Variants in KCNH7 observed in about 807,000 individuals in gnomAD.
KCNH7 encodes potassium voltage-gated channel subfamily H member 7.
A neutral mutation model predicts 120.8 loss-of-function variants in KCNH7; 49 were observed. That is an observed-to-expected ratio of 0.41 (90% CI 0.32 to 0.51). The LOEUF (loss-of-function observed/expected upper bound fraction) is 0.51. KCNH7 is among the 20% of genes least tolerant of loss of function. The pLI, the probability that KCNH7 is intolerant of heterozygous loss-of-function variation, is 0.38. For synonymous variants in KCNH7, 547 were observed against 516.1 expected (o/e 1.06, Z -0.81); for missense variants, 1,097 against 1,446.6 (o/e 0.76, Z 3.92).
intron 2 of KCNH7, among the ~76,000 whole-genome samples, chr2:162,810,180 G>T: frequency 5.0e-5 from 1 of 20,180 alleles, no homozygotes; most frequent in South Asian, 7.5e-3. Flanking sequence ...CTCCCAAAGT[G>T]CTGGGATTAC....
At chr2:162,432,823 G>A (rs1234000356) in intron 8 of KCNH7, among the ~76,000 whole-genome samples, 1 of 152,016 alleles carries the variant, frequency 6.6e-6, no homozygotes, top group Non-Finnish European at 1.5e-5. Context: ...AAGCAGGCAA[G>A]AGAAAGAAAT....
chr2:162,520,536 G>A (rs916923234), intron 3 of KCNH7, among the ~76,000 whole-genome samples: 3 of 151,736 alleles, frequency 2.0e-5, no homozygotes, highest in Non-Finnish European at 4.4e-5. Flanking sequence ...AAGGCATAAT[G>A]ATCTCTTGAG....
In KCNH7 at chr2:162,563,268, AT is replaced by A. The variant is rs199967460; in HGVS notation, c.308-26189del. Among the ~76,000 whole-genome samples, 863 of 152,310 alleles carry A rather than the reference AT, an allele frequency of 5.7e-3. 9 individuals carry two copies. Among genetic ancestry groups the A allele is most frequent in the African/African-American group, 0.02 (814 of 41,572 alleles). ...GGGGTTTGCAGCATGAAATCATATA[AT>A]GGCTTATACAAGAGCACTAGACACA... On this transcript the variant is annotated intron_variant, in intron 2 of 15. Transcript: ENST00000332142.
At chr2:162,709,089 C>G (rs1434208113) in intron 2 of KCNH7, among the ~76,000 whole-genome samples, 3 of 151,994 alleles carry the variant, frequency 2.0e-5, no homozygotes, top group Admixed American at 2.0e-4. Context: ...CCCTACTATG[C>G]CCTAAGTTTC....
rs188600022 is a variant in KCNH7 at position 162,789,052 on chromosome 2, G to T, written c.307+47485C>A. Among the ~76,000 whole-genome samples, 88 of 147,422 alleles carry T rather than the reference G, an allele frequency of 6.0e-4. No homozygotes were observed. In the Middle Eastern group the frequency reaches 0.018, roughly 30 times the overall value. On this transcript the variant is annotated intron_variant, in intron 2 of 15. Coordinates refer to ENST00000332142, the MANE Select transcript of KCNH7 (RefSeq NM_033272.4). ...ACTGAGAATACTGTACCTAGCAAAG[G>T]TTTCCTCAAAAATGAGAGATACTTT...
At position 162,671,748 on chromosome 2, in the gene KCNH7, GAAAT is replaced by G. The variant is rs552816094; in HGVS notation, c.308-134672_308-134669del. 5.4e-3 allele frequency among the ~76,000 whole-genome samples: 823 copies of G among 151,816 alleles called. 3 individuals are homozygous for G. The highest frequency in any genetic ancestry group is 8.9e-3 in the Non-Finnish European group (601 of 67,884). On this transcript the variant is annotated intron_variant, in intron 2 of 15. Coordinates refer to ENST00000332142, the MANE Select transcript of KCNH7 (RefSeq NM_033272.4). ...AAAATTTTCAAAAAGAGAAAAAAAA[GAAAT>G]AAATATGCTCTAATAAAAAAAGAAG...
intron 6 of KCNH7, among the ~76,000 whole-genome samples, chr2:162,491,168 C>T (rs1690291312): frequency 6.6e-6 from 1 of 152,208 alleles, no homozygotes; most frequent in African/African-American, 2.4e-5. Flanking sequence ...GCCTTTCCTC[C>T]TCTGGTTGAG....
intron 2 of KCNH7, among the ~76,000 whole-genome samples, chr2:162,785,526 T>C (rs970701997): frequency 1.4e-5 from 2 of 145,956 alleles, no homozygotes; most frequent in African/African-American, 4.9e-5. Flanking sequence ...TTTGCGACTA[T>C]TGGGCTGTCT....
intron 2 of KCNH7, among the ~76,000 whole-genome samples, chr2:162,541,818 AC>A (rs1692312423): frequency 6.6e-6 from 1 of 152,148 alleles, no homozygotes; most frequent in Non-Finnish European, 1.5e-5. Flanking sequence ...ACAAACCTGC[AC>A]ATTCTGCACA....
At chr2:162,603,293 T>C (rs1694622163) in intron 2 of KCNH7, among the ~76,000 whole-genome samples, 1 of 152,076 alleles carries the variant, frequency 6.6e-6, no homozygotes, top group Admixed American at 6.6e-5. Flanking sequence ...TAAAATATGG[T>C]GGTTTTTATA....
intron 2 of KCNH7, among the ~76,000 whole-genome samples, chr2:162,680,898 T>C (rs1243021582): frequency 6.6e-6 from 1 of 151,804 alleles, no homozygotes; most frequent in Non-Finnish European, 1.5e-5. Flanking sequence ...TGGTACAGTT[T>C]AGCTTCAGGT....
At chr2:162,676,110 C>T (rs1685521777) in intron 2 of KCNH7, among the ~76,000 whole-genome samples, 1 of 151,444 alleles carries the variant, frequency 6.6e-6, no homozygotes, top group Non-Finnish European at 1.5e-5. Flanking sequence ...ACCTCCTCTT[C>T]AAAATTTAAA....
At chr2:162,419,814 T>C (rs939639868) in intron 9 of KCNH7, among the ~76,000 whole-genome samples, 9 of 152,188 alleles carry the variant, frequency 5.9e-5, no homozygotes, top group African/African-American at 1.7e-4. Context: ...CACTTGATTC[T>C]ATGCTGATAT....
intron 2 of KCNH7, among the ~76,000 whole-genome samples, chr2:162,607,619 T>C (rs1351813966): frequency 7.9e-5 from 12 of 152,166 alleles, no homozygotes; most frequent in Non-Finnish European, 1.5e-4. Flanking sequence ...TTGTGAATTA[T>C]TACCTAGTGT....
chr2:162,729,812 T>A (rs1346528742), intron 2 of KCNH7, among the ~76,000 whole-genome samples: 1 of 152,138 alleles, frequency 6.6e-6, no homozygotes, highest in Non-Finnish European at 1.5e-5. Context: ...ATTGGCCGTT[T>A]TCTACAAATA....
intron 2 of KCNH7, among the ~76,000 whole-genome samples, chr2:162,652,982 C>T (rs984586201): frequency 2.0e-5 from 3 of 152,146 alleles, no homozygotes; most frequent in African/African-American, 7.2e-5. Flanking sequence ...TAAGGCCTTA[C>T]TTTATGCCAA....
At chr2:162,647,642 C>G (rs149357660) in intron 2 of KCNH7, among the ~76,000 whole-genome samples, 1 of 152,132 alleles carries the variant, frequency 6.6e-6, no homozygotes, top group Non-Finnish European at 1.5e-5. Context: ...TTCCCTAACA[C>G]GAGCTCTCTT....
chr2:162,384,588 A>G (rs1686519815), intron 13 of KCNH7, 100 bp downstream of exon 13: 2 of 1,146,572 alleles, frequency 1.7e-6, no homozygotes, highest in Non-Finnish European at 2.5e-6. Context: ...GTTGAGAACA[A>G]TTAGATTAAC....
At chr2:162,508,607 T>A (rs1690962420) in intron 5 of KCNH7, among the ~76,000 whole-genome samples, 1 of 151,284 alleles carries the variant, frequency 6.6e-6, no homozygotes, top group African/African-American at 2.4e-5. Flanking sequence ...ATGAAAAAAA[T>A]TTCAACATTT....
Sources: allele counts gnomAD v4.1 joint callset (sites outside exome capture counted in the v4.1 genomes callset), GRCh38; gene constraint gnomAD v4.1.1; transcripts MANE v1.5; gene names NCBI Gene and HGNC (gene_info 2026-07-23, HGNC 2026-07-21).